The following EIF3M variants were observed in gnomAD, a reference collection of about 807,000 sequenced individuals.
EIF3M encodes B5 receptor.
EIF3M carries 25 observed loss-of-function variants against 49.7 expected under a neutral mutation model. That is an observed-to-expected ratio of 0.50 (90% CI 0.37 to 0.70). EIF3M has a LOEUF of 0.70. Among genes scored for constraint, EIF3M ranks in the 30% least tolerant of loss-of-function variants. The pLI is 0.00. For missense variants in EIF3M, 350 were observed against 440.0 expected (o/e 0.80, Z 1.83); for synonymous variants, 156 against 149.8 (o/e 1.04, Z -0.30).
In EIF3M at chr11:32,595,607, A is replaced by C. The variant is rs1850805202; in HGVS notation, c.718-359A>C. 3.3e-5 allele frequency among the ~76,000 whole-genome samples: 5 copies of C among 152,166 alleles called. 1 individual carries two copies. In the South Asian group the frequency reaches 1.0e-3, roughly 31 times the overall value. ...ATAATACAAGTTTCTTTTTTATTAC[A>C]TATATATTGTTCCTAGCCCCACTTA... On this transcript the variant is annotated intron_variant, in intron 7 of 10. Coordinates refer to ENST00000531120, the MANE Select transcript of EIF3M (RefSeq NM_006360.6).
At chr11:32,595,447 G>A (rs1186338938) in intron 7 of EIF3M, among the ~76,000 whole-genome samples, 5 of 151,932 alleles carry the variant, frequency 3.3e-5, no homozygotes, top group African/African-American at 1.2e-4. Context: ...TCTGGTCTCC[G>A]ACTCCTGACC....
At chr11:32,588,985 T>C in intron 3 of EIF3M, 27 bp from the exon 4 acceptor site, 1 of 1,612,146 alleles carries the variant, frequency 6.2e-7, no homozygotes, top group East Asian at 2.2e-5. Flanking sequence ...ATTTCAAACA[T>C]TGTTTATTTG....
Position 32,595,065 on chromosome 11 carries a change from C to T in EIF3M, c.717+52C>T, listed in dbSNP as rs183992585. ...AAATGTTCTCCTTTCCTAAATTTTA[C>T]ATACTGAAGCAGGACTCTTTTTCTT... On this transcript the variant is annotated intron_variant, in intron 7 of 10. Transcript: ENST00000531120. 19 of 1,494,514 alleles carry T rather than the reference C, an allele frequency of 1.3e-5. No individual in the cohort carries two copies. The African/African-American group carries it at 2.5e-4, about 20-fold the overall frequency. 92.6% of individuals were successfully genotyped at this position (1,494,514 alleles called of 1,614,324 possible). A position where few individuals can be genotyped will look rare whatever the true frequency, so the allele number is the denominator to read the frequency against.
chr11:32,589,663 A>G (rs755507370), intron 5 of EIF3M, 22 bp downstream of exon 5: 4 of 1,598,286 alleles, frequency 2.5e-6, no homozygotes, highest in Non-Finnish European at 3.4e-6. Flanking sequence ...TAATGAACTA[A>G]CATATCACTT....
chr11:32,585,288 G>A (rs1854978271), intron 1 of EIF3M, among the ~76,000 whole-genome samples: 1 of 152,124 alleles, frequency 6.6e-6, no homozygotes, highest in Non-Finnish European at 1.5e-5. Flanking sequence ...CTGAGAAAGT[G>A]TTTGGAATTT....
At chr11:32,590,744 A>G (rs1855087733) in intron 5 of EIF3M, among the ~76,000 whole-genome samples, 2 of 152,166 alleles carry the variant, frequency 1.3e-5, no homozygotes. Context: ...TTAATCAGTA[A>G]AATTCTGAGA....
chr11:32,590,719 CATAAA>C (rs1855087273), intron 5 of EIF3M, among the ~76,000 whole-genome samples: 1 of 152,194 alleles, frequency 6.6e-6, no homozygotes, highest in African/African-American at 2.4e-5. Flanking sequence ...CTTTAGAACA[CATAAA>C]ATACATATTT....
At chr11:32,590,580 A>T (rs976194368) in intron 5 of EIF3M, among the ~76,000 whole-genome samples, 1 of 152,230 alleles carries the variant, frequency 6.6e-6, no homozygotes, top group Non-Finnish European at 1.5e-5. Context: ...TTGCATTCCC[A>T]AGAAGATAGC....
At chr11:32,602,132 A>ATAAT (rs1855278483) in intron 10 of EIF3M, 147 bp from the exon 11 acceptor site, 1 of 1,231,020 alleles carries the variant, frequency 8.1e-7, no homozygotes, top group South Asian at 1.4e-5. Context: ...TTTTTTTTAA[A>ATAAT]TAATTATGTA....
At position 32,605,853 on chromosome 11, in the gene EIF3M, C is replaced by T. The variant is rs372339048; in HGVS notation, c.*3454C>T. On this transcript the variant is annotated 3_prime_UTR_variant, in exon 11 of 11. Coordinates refer to ENST00000531120, the MANE Select transcript of EIF3M (RefSeq NM_006360.6). The stretch of plus-strand genomic sequence containing the variant: ...CCTTGTATCTTCGTTCTTTCGTCTC[C>T]TATCCTTTTTAGAAATTTATCACCT... 31 of 152,290 alleles carry T rather than the reference C, an allele frequency of 2.0e-4. 1 individual carries two copies. Among genetic ancestry groups the T allele is most frequent in the African/African-American group, 6.7e-4 (28 of 41,572 alleles). 9.4% of individuals were successfully genotyped at this position (152,290 alleles called of 1,614,324 possible). A position where few individuals can be genotyped will look rare whatever the true frequency, so the allele number is the denominator to read the frequency against.
chr11:32,590,889 C>T (rs902072280), intron 5 of EIF3M, among the ~76,000 whole-genome samples: 2 of 151,356 alleles, frequency 1.3e-5, no homozygotes, highest in African/African-American at 2.4e-5. Flanking sequence ...CTTGCTCTGT[C>T]GCCCAGGCTG....
intron 8 of EIF3M, 76 bp downstream of exon 8, chr11:32,596,123 A>C: frequency 1.7e-6 from 2 of 1,148,796 alleles, no homozygotes; most frequent in Non-Finnish European, 2.4e-6. Flanking sequence ...TATGTGTTCC[A>C]GCAAGTATGG....
At chr11:32,587,842 C>T (rs911389801) in intron 2 of EIF3M, among the ~76,000 whole-genome samples, 9 of 152,086 alleles carry the variant, frequency 5.9e-5, no homozygotes, top group South Asian at 2.1e-4. Flanking sequence ...ATGCTGATTT[C>T]GGCAGCACAT....
At position 32,583,930 on chromosome 11, in the gene EIF3M, G is replaced by A. The variant is rs928094878; in HGVS notation, c.42+1G>A. On this transcript the variant is annotated splice_donor_variant, in intron 1 of 10. Coordinates refer to ENST00000531120, the MANE Select transcript of EIF3M (RefSeq NM_006360.6). LOFTEE classifies it high-confidence loss of function. ...CATCGACATCAGTGAAGAAGATCAGGTGTGCTTCGGTCTACGGGTGCCGCC... is the reference window on the plus strand; with the variant it reads ...CATCGACATCAGTGAAGAAGATCAGATGTGCTTCGGTCTACGGGTGCCGCC... The A allele has an allele frequency of 3.1e-6, 5 of 1,613,784 alleles. No individual in the cohort carries two copies. The African/African-American group carries it at 4.0e-5, about 13-fold the overall frequency.
intron 5 of EIF3M, chr11:32,592,290 C>T (rs1855115575): frequency 1.4e-5 from 7 of 503,140 alleles, no homozygotes; most frequent in South Asian, 1.1e-4. Flanking sequence ...AGTGTTATTT[C>T]TGAACCACAA....
chr11:32,586,927 G>A (rs201881), intron 1 of EIF3M, 85 bp from the exon 2 acceptor site: 556,068 of 1,465,230 alleles, frequency 0.38, 109,143 homozygotes, highest in African/African-American at 0.53. Flanking sequence ...CAGTATTTCC[G>A]TTTTAGTTTT....
chr11:32,588,459 C>A, intron 2 of EIF3M, 135 bp from the exon 3 acceptor site: 67 of 644,774 alleles, frequency 1.0e-4, no homozygotes, highest in Middle Eastern at 4.7e-4. Context: ...ATAAAATATA[C>A]AAGTTGCTTT....
intron 1 of EIF3M, among the ~76,000 whole-genome samples, chr11:32,585,033 A>T (rs1466953315): frequency 6.6e-6 from 1 of 152,230 alleles, no homozygotes; most frequent in East Asian, 1.9e-4. Flanking sequence ...TAAACTTCGC[A>T]TGGAAGTTTA....
chr11:32,583,868 G>A lies in EIF3M; in HGVS notation c.-20G>A, dbSNP rs773932160. 10 of 1,611,372 alleles carry A rather than the reference G, an allele frequency of 6.2e-6. No homozygotes were observed. Among genetic ancestry groups the A allele is most frequent in the Non-Finnish European group, 7.6e-6 (9 of 1,178,340 alleles). ...GCGTGGTCTTGCGAGTGGAGTGTCC[G>A]CTGTGCCCGGGCCTGCACCATGAGC... On this transcript the variant is annotated 5_prime_UTR_variant, in exon 1 of 11. Coordinates refer to ENST00000531120, the MANE Select transcript of EIF3M (RefSeq NM_006360.6).
Sources: gnomAD v4.1 joint callset for allele counts (sites outside exome capture counted in the v4.1 genomes callset) on GRCh38, gnomAD v4.1.1 for gene constraint, MANE v1.5 for transcripts, NCBI Gene and HGNC (gene_info 2026-07-23, HGNC 2026-07-21) for gene names.